KLHL13: variants seen among roughly 807,000 people sequenced by gnomAD.
KLHL13 encodes kelch like family member 13.
KLHL13 carries 10 observed loss-of-function variants against 37.1 expected under a neutral mutation model. That is an observed-to-expected ratio of 0.27 (90% CI 0.17 to 0.46). The LOEUF is 0.46. KLHL13 is among the 20% of genes least tolerant of loss of function. KLHL13 has a pLI of 1.00. For synonymous variants in KLHL13, 163 were observed against 181.2 expected, an observed-to-expected ratio of 0.90 and a Z score of 0.81; for missense variants, 360 against 509.3, an observed-to-expected ratio of 0.71 and a Z score of 2.82.
intron 1 of KLHL13, among the ~76,000 whole-genome samples, chrX:118,093,262 T>A (rs1392579963): frequency 8.9e-6 from 1 of 112,197 alleles, no homozygotes; most frequent in Non-Finnish European, 1.9e-5. Context: ...CATAACCAGA[T>A]AATACTAGTT....
At chrX:118,105,892 C>CTTTTT (rs754130371) in intron 1 of KLHL13, among the ~76,000 whole-genome samples, 4 of 67,072 alleles carry the variant, frequency 6.0e-5, no homozygotes, top group Non-Finnish European at 8.0e-5. Flanking sequence ...GTCTAAACAG[C>CTTTTT]TTTTTTTTTT....
At chrX:117,987,248 A>G (rs2053738583) in intron 1 of KLHL13, among the ~76,000 whole-genome samples, 1 of 111,291 alleles carries the variant, frequency 9.0e-6, no homozygotes, top group Admixed American at 9.6e-5. Context: ...CTCATAGTAA[A>G]CCAAGATAAT....
chrX:118,039,560 A>G (rs939251129), intron 1 of KLHL13, among the ~76,000 whole-genome samples: 1 of 111,842 alleles, frequency 8.9e-6, no homozygotes, highest in African/African-American at 3.3e-5. Flanking sequence ...GTGCCAGCTC[A>G]GTAACAGCAG....
intron 1 of KLHL13, among the ~76,000 whole-genome samples, chrX:118,051,401 C>T (rs2054612034): frequency 9.2e-6 from 1 of 108,740 alleles, no homozygotes; most frequent in African/African-American, 3.4e-5. Context: ...ATTGGCCGGG[C>T]GTGGTGGCGG....
At chrX:118,061,227 A>C (rs2054737964) in intron 1 of KLHL13, among the ~76,000 whole-genome samples, 1 of 111,988 alleles carries the variant, frequency 8.9e-6, no homozygotes. Context: ...GGAATAGCCA[A>C]TGAGTCCAAT....
intron 1 of KLHL13, among the ~76,000 whole-genome samples, chrX:118,051,390 A>T (rs192470527): frequency 1.3e-3 from 140 of 108,574 alleles, no homozygotes; most frequent in African/African-American, 4.3e-3. Flanking sequence ...AATACAAAAA[A>T]ATTGGCCGGG....
At chrX:118,096,483 C>A (rs898875184) in intron 1 of KLHL13, among the ~76,000 whole-genome samples, 1 of 111,619 alleles carries the variant, frequency 9.0e-6, no homozygotes, top group Admixed American at 9.5e-5. Context: ...GATTCACAGA[C>A]AAATTCTACC....
intron 5 of KLHL13, among the ~76,000 whole-genome samples, chrX:117,902,918 C>G (rs1930193431): frequency 1.8e-5 from 2 of 110,694 alleles, no homozygotes; most frequent in Admixed American, 9.7e-5. Flanking sequence ...CTACACCAAG[C>G]TAAAAACGAA....
At chrX:117,989,520 G>A (rs1326962429) in intron 1 of KLHL13, among the ~76,000 whole-genome samples, 1 of 109,170 alleles carries the variant, frequency 9.2e-6, no homozygotes, top group Non-Finnish European at 1.9e-5. Context: ...GAGGAGAGGA[G>A]AAGTAAGGAA....
chrX:118,067,394 G>A (rs1885985150), intron 1 of KLHL13, among the ~76,000 whole-genome samples: 1 of 111,339 alleles, frequency 9.0e-6, no homozygotes, highest in Admixed American at 9.6e-5. Flanking sequence ...GGACATTACT[G>A]TATACTGTTG....
chrX:117,898,649 T>G, exon 7 of KLHL13: 1 of 319,392 alleles, frequency 3.1e-6, no homozygotes, highest in East Asian at 5.4e-5. Flanking sequence ...GAAGAAACAT[T>G]TTATAGACAA....
At chrX:117,908,402 A>T (rs5955986) in intron 5 of KLHL13, among the ~76,000 whole-genome samples, 2 of 107,360 alleles carry the variant, frequency 1.9e-5, no homozygotes, top group African/African-American at 3.4e-5. Context: ...TAGCCCCCCA[A>T]CCCCAGACAG....
At chrX:118,002,595 A>AAAATAAATAAAT (rs571584663) in intron 1 of KLHL13, among the ~76,000 whole-genome samples, 2 of 94,171 alleles carry the variant, frequency 2.1e-5, no homozygotes, top group East Asian at 3.2e-4. Flanking sequence ...CTCTGTCTCG[A>AAAATAAATAAAT]AAATAAATAA....
In KLHL13 at chrX:118,113,387, T is replaced by C. The variant is rs138431431; in HGVS notation, c.-56+3121A>G. ...GAAAGACTCTTCAGTGGCTTCCTAT[T>C]GTTCTGAGAATCAAACCCAAATTCT... On this transcript the variant is annotated intron_variant, in intron 1 of 6. Coordinates refer to the KLHL13 transcript ENST00000371882. Among the ~76,000 whole-genome samples the C allele has an allele frequency of 2.2e-4, 25 of 112,399 alleles. No homozygotes were observed. In the East Asian group the frequency reaches 7.0e-3, roughly 31 times the overall value.
At chrX:118,068,471 C>T (rs953660926) in intron 1 of KLHL13, among the ~76,000 whole-genome samples, 15 of 111,503 alleles carry the variant, frequency 1.3e-4, no homozygotes, top group African/African-American at 3.9e-4. Context: ...TCCATCACCC[C>T]ATCCCCCATG....
At chrX:118,053,458 G>A (rs1164679103) in intron 1 of KLHL13, among the ~76,000 whole-genome samples, 1 of 110,795 alleles carries the variant, frequency 9.0e-6, no homozygotes, top group Admixed American at 9.6e-5. Flanking sequence ...CATGGACACA[G>A]GAAGGGGAAC....
At chrX:117,977,839 C>T (rs1569431806), upstream of KLHL13, among the ~76,000 whole-genome samples, 2 of 112,106 alleles carry the variant, frequency 1.8e-5, no homozygotes, top group East Asian at 5.6e-4. Context: ...TTAAGGGTTC[C>T]TTCTTACAGG....
At chrX:118,025,933 A>G (rs906638866) in intron 1 of KLHL13, among the ~76,000 whole-genome samples, 29 of 111,833 alleles carry the variant, frequency 2.6e-4, no homozygotes, top group Admixed American at 2.2e-3. Context: ...TGTGAGTAGA[A>G]GAGATGAGCA....
intron 1 of KLHL13, among the ~76,000 whole-genome samples, chrX:117,968,155 G>A (rs1569429015): frequency 2.0e-5 from 2 of 102,551 alleles, no homozygotes; most frequent in Non-Finnish European, 4.1e-5. Context: ...AAGCGTGTAT[G>A]TAATAGAATT....
Sources: gnomAD v4.1 joint callset for allele counts (sites outside exome capture counted in the v4.1 genomes callset) on GRCh38, gnomAD v4.1.1 for gene constraint, MANE v1.5 for transcripts, NCBI Gene and HGNC (gene_info 2026-07-23, HGNC 2026-07-21) for gene names.